The following CTTNBP2 variants were observed in gnomAD, a reference collection of about 807,000 sequenced individuals.
The protein encoded by CTTNBP2 is cortactin binding protein 2.
In CTTNBP2, 108 loss-of-function variants were observed where a neutral mutation model predicts 156.9. The observed-to-expected ratio is 0.69, with a 90% CI of 0.59 to 0.81. The LOEUF is 0.81. Ranked by LOEUF, CTTNBP2 falls within the 30% of genes least tolerant of loss-of-function variation. The pLI, the probability that CTTNBP2 is intolerant of heterozygous loss-of-function variation, is 0.00. For synonymous variants in CTTNBP2, 767 were observed against 751.8 expected (o/e 1.02, Z -0.33); for missense variants, 1,924 against 2,035.4 (o/e 0.95, Z 1.05).
At chr7:117,859,176 A>G (rs1038100808) in intron 2 of CTTNBP2, among the ~76,000 whole-genome samples, 6 of 152,216 alleles carry the variant, frequency 3.9e-5, no homozygotes, top group African/African-American at 1.4e-4. Context: ...AGGTGATAAC[A>G]TATTTTATGA....
At chr7:117,717,744 G>GA (rs139772053) in intron 22 of CTTNBP2, among the ~76,000 whole-genome samples, 13,071 of 127,576 alleles carry the variant, frequency 0.1, 1,042 homozygotes, top group African/African-American at 0.23. Context: ...CATATAAAAT[G>GA]AAAAAAAAAA....
intron 2 of CTTNBP2, among the ~76,000 whole-genome samples, chr7:117,860,978 G>A (rs996618184): frequency 9.2e-5 from 14 of 152,076 alleles, no homozygotes; most frequent in African/African-American, 1.9e-4. Flanking sequence ...CAAGTTTCCC[G>A]TACTAAACAG....
chr7:117,740,854 T>C (rs1442031250), intron 14 of CTTNBP2, among the ~76,000 whole-genome samples: 1 of 152,190 alleles, frequency 6.6e-6, no homozygotes, highest in Non-Finnish European at 1.5e-5. Context: ...TCTGGTGTCC[T>C]TGTTGATTCT....
intron 2 of CTTNBP2, among the ~76,000 whole-genome samples, chr7:117,813,626 A>G (rs532963843): frequency 4.6e-5 from 7 of 152,278 alleles, no homozygotes; most frequent in African/African-American, 1.7e-4. Context: ...GAGTCTCTAC[A>G]ATAAGATCTC....
At chr7:117,811,457 C>A (rs1443278727) in intron 2 of CTTNBP2, among the ~76,000 whole-genome samples, 1 of 152,240 alleles carries the variant, frequency 6.6e-6, no homozygotes, top group East Asian at 1.9e-4. Context: ...CATGCCACCA[C>A]ACCCAGCTAA....
intron 2 of CTTNBP2, among the ~76,000 whole-genome samples, chr7:117,831,740 A>G (rs1044470305): frequency 6.6e-6 from 1 of 152,018 alleles, no homozygotes; most frequent in East Asian, 2.0e-4. Flanking sequence ...CCAAACCTTC[A>G]CTGCACTCCT....
intron 1 of CTTNBP2, among the ~76,000 whole-genome samples, chr7:117,873,080 G>A (rs1804737905): frequency 6.6e-6 from 1 of 152,182 alleles, no homozygotes; most frequent in African/African-American, 2.4e-5. Flanking sequence ...TGGGAGAACC[G>A]GGCGACCCGG....
chr7:117,791,171 G>A lies in CTTNBP2; in HGVS notation c.2025C>T (p.Ser675=), dbSNP rs1259786238. ...GGCTGTCTGAGGCACCTGGTCTACA[G>A]GATGAGGCACTAACGGGGTTTATGG... is the stretch of plus-strand genomic sequence containing the variant. ...CSSINPVSAS[S]CRPGASDSLL... Residue 675 remains serine, a synonymous_variant, in exon 4 of 23, where the codon TCC becomes TCT. Transcript: ENST00000160373. 1.9e-6 allele frequency: 3 copies of A among 1,614,216 alleles called. No individual in the cohort carries two copies. The highest frequency in any genetic ancestry group is 1.1e-5 in the South Asian group (1 of 91,080).
At chr7:117,722,349 A>G (rs752775225) in intron 19 of CTTNBP2, among the ~76,000 whole-genome samples, 5 of 152,100 alleles carry the variant, frequency 3.3e-5, no homozygotes, top group African/African-American at 1.2e-4. Context: ...TTATAAAAAT[A>G]ACGAGAGGCA....
intron 2 of CTTNBP2, among the ~76,000 whole-genome samples, chr7:117,811,813 A>G (rs1800296557): frequency 6.6e-6 from 1 of 150,654 alleles, no homozygotes; most frequent in Non-Finnish European, 1.5e-5. Context: ...TTTTAATGTA[A>G]AAATTTTAAT....
chr7:117,795,489 T>A (rs1799266838), intron 3 of CTTNBP2, among the ~76,000 whole-genome samples: 1 of 152,192 alleles, frequency 6.6e-6, no homozygotes, highest in South Asian at 2.1e-4. Flanking sequence ...CTACCTTCAT[T>A]TTTACAAAAC....
intron 2 of CTTNBP2, 135 bp from the exon 3 acceptor site, chr7:117,811,124 T>C (rs1800250174): frequency 1.5e-6 from 1 of 670,026 alleles, no homozygotes; most frequent in Non-Finnish European, 2.5e-6. Context: ...ATGTCAGTGG[T>C]GAGTGAGAGG....
chr7:117,795,540 C>A (rs1799269273), intron 3 of CTTNBP2, among the ~76,000 whole-genome samples: 1 of 152,070 alleles, frequency 6.6e-6, no homozygotes, highest in Admixed American at 6.6e-5. Flanking sequence ...TAATGTCATC[C>A]AGCTAATGAG....
intron 22 of CTTNBP2, 47 bp downstream of exon 22, chr7:117,717,971 C>T: frequency 8.5e-7 from 1 of 1,180,402 alleles, no homozygotes; most frequent in Non-Finnish European, 1.3e-6. Flanking sequence ...GAAGTCAATT[C>T]CACAGCAATC....
intron 18 of CTTNBP2, 41 bp from the exon 19 acceptor site, chr7:117,724,773 C>T: frequency 1.3e-6 from 2 of 1,591,060 alleles, no homozygotes; most frequent in South Asian, 2.2e-5. Flanking sequence ...TGCAGTTTCA[C>T]TGATTAAAGC....
chr7:117,725,341 CTA>C lies in CTTNBP2; in HGVS notation c.4056-86_4056-85del. The stretch of plus-strand genomic sequence containing the variant: ...ATTCCGTGAAAGGACAGTTTGAAGA[CTA>C]TGGGGAAAAAACGTTAAGTGTTTCT... On this transcript the variant is annotated intron_variant, in intron 17 of 22. Coordinates refer to ENST00000160373, the MANE Select transcript of CTTNBP2 (RefSeq NM_033427.3). The C allele has an allele frequency of 2.3e-6, 3 of 1,278,374 alleles. No individual in the cohort carries two copies. The South Asian group carries it at 3.7e-5, about 16-fold the overall frequency. The allele number at this position is 1,278,374 out of a possible 1,614,324, so 79.2% of individuals were successfully genotyped here. A position where few individuals can be genotyped will look rare whatever the true frequency, so the allele number is the denominator to read the frequency against.
chr7:117,873,371 G>C lies in CTTNBP2; in HGVS notation c.45C>G (p.Ala15=), dbSNP rs760088337. The C allele has an allele frequency of 1.1e-4, 161 of 1,478,538 alleles. No homozygotes were observed. Among genetic ancestry groups the C allele is most frequent in the Non-Finnish European group, 1.4e-4 (158 of 1,120,936 alleles). 91.6% of individuals were successfully genotyped at this position (1,478,538 alleles called of 1,614,324 possible). A position where few individuals can be genotyped will look rare whatever the true frequency, so the allele number is the denominator to read the frequency against. The change falls in exon 1 of 23, where the codon GCC becomes GCG. Residue 15 remains alanine, a synonymous_variant. Coordinates refer to ENST00000160373, the MANE Select transcript of CTTNBP2 (RefSeq NM_033427.3). ...CCGCGGCCCCCGCCGCGTCCTCCGGGGCCCGGGACAAGTCGGGCTCGCAGC... is the reference window on the plus strand; with the variant it reads ...CCGCGGCCCCCGCCGCGTCCTCCGGCGCCCGGGACAAGTCGGGCTCGCAGC... ...GASCEPDLSR[A]PEDAAGAAAE...
intron 14 of CTTNBP2, among the ~76,000 whole-genome samples, chr7:117,735,731 A>G (rs1795653461): frequency 6.6e-6 from 1 of 152,250 alleles, no homozygotes; most frequent in African/African-American, 2.4e-5. Flanking sequence ...GAAAGCGAAC[A>G]AATGACAACT....
intron 1 of CTTNBP2, among the ~76,000 whole-genome samples, chr7:117,872,590 G>C (rs1285580763): frequency 6.6e-6 from 1 of 152,154 alleles, no homozygotes; most frequent in East Asian, 1.9e-4. Flanking sequence ...GAATGGTAGC[G>C]CATTCGGCCT....
Sources: gnomAD v4.1 joint callset for allele counts (sites outside exome capture counted in the v4.1 genomes callset) on GRCh38, gnomAD v4.1.1 for gene constraint, MANE v1.5 for transcripts, NCBI Gene and HGNC (gene_info 2026-07-23, HGNC 2026-07-21) for gene names.